The following SCN9A variants were observed in gnomAD, a reference collection of about 807,000 sequenced individuals.
SCN9A encodes sodium channel protein type 9 subunit alpha.
In SCN9A, 131 loss-of-function variants were observed where a neutral mutation model predicts 187.0. The ratio of observed to expected loss-of-function variants is 0.70; its 90% CI spans 0.61 to 0.81. The LOEUF is 0.81. SCN9A is among the 30% of genes least tolerant of loss of function. The probability of loss-of-function intolerance (pLI) is 0.00; values close to 1 mark genes in which losing one functional copy is unlikely to be tolerated. For missense variants in SCN9A, 2,252 were observed against 2,396.6 expected, an observed-to-expected ratio of 0.94 and a Z score of 1.26; for synonymous variants, 809 against 808.6, an observed-to-expected ratio of 1.00 and a Z score of -0.01.
Position 166,306,584 on chromosome 2 carries a change from G to A in SCN9A, c.393C>T (p.Leu131=), listed in dbSNP as rs199756028. The A allele has an allele frequency of 8.5e-5, 134 of 1,575,960 alleles. No individual in the cohort carries two copies. Among genetic ancestry groups the A allele is most frequent in the Middle Eastern group, 5.0e-4 (3 of 6,006 alleles). Residue 131 remains leucine, a synonymous_variant, in exon 4 of 27, where the codon CTC becomes CTT. Coordinates refer to ENST00000642356, the MANE Select transcript of SCN9A (RefSeq NM_001365536.1). Reference sequence around the variant, plus strand: ...AGTTTGTCAGAATAGTGCACATGATGAGCATGCTGAATAAGGTAGCTTAGA... The same window carrying A: ...AGTTTGTCAGAATAGTGCACATGATAAGCATGCTGAATAAGGTAGCTTAGA... ...KILVHSLFSM[L]IMCTILTNCI...
chr2:166,253,291 G>C (rs928162089), intron 17 of SCN9A, among the ~76,000 whole-genome samples: 6 of 151,738 alleles, frequency 4.0e-5, no homozygotes, highest in African/African-American at 1.4e-4. Flanking sequence ...CCTATTAAGA[G>C]AACTCCTCCA....
At chr2:166,370,229 A>ATCATCATCATCATCATCATC (rs1553507725) in intron 1 of SCN9A, among the ~76,000 whole-genome samples, 19 of 136,816 alleles carry the variant, frequency 1.4e-4, no homozygotes, top group African/African-American at 4.2e-4. Context: ...TAATAATAAT[A>ATCATCATCATCATCATCATC]ATAATAATCA....
At position 166,228,789 on chromosome 2, in the gene SCN9A, AT is replaced by A; in HGVS notation, c.4107del (p.Glu1369AspfsTer6). ...TGACTAACATTCATAAGGGCAAAAC[AT>A]TCGGAACGATTTGGAACTTGACTTG... ...FPASQVPNRSECFALMNVSQN... is the reference protein window; with the variant it reads ...FPASQVPNRSXCFALMNVSQN... On this transcript the variant is annotated frameshift_variant, in exon 22 of 27. Transcript: ENST00000642356. LOFTEE classifies it high-confidence loss of function. The A allele has an allele frequency of 6.2e-7, 1 of 1,613,968 alleles. No individual in the cohort carries two copies. Among genetic ancestry groups the A allele is most frequent in the Non-Finnish European group, 8.5e-7 (1 of 1,179,868 alleles).
At chr2:166,261,532 T>C (rs4561679) in intron 17 of SCN9A, among the ~76,000 whole-genome samples, 138,840 of 151,952 alleles carry the variant, frequency 0.91, 63,547 homozygotes, top group African/African-American at 0.97. Context: ...CATGTGAAGA[T>C]TGGCAGAAGG....
At chr2:166,353,553 T>G (rs1277348054) in intron 1 of SCN9A, among the ~76,000 whole-genome samples, 1 of 152,216 alleles carries the variant, frequency 6.6e-6, no homozygotes, top group Non-Finnish European at 1.5e-5. Context: ...AAAGGTCAGC[T>G]AGATAATTTC....
At chr2:166,349,015 C>T (rs978133405) in intron 1 of SCN9A, among the ~76,000 whole-genome samples, 2 of 147,884 alleles carry the variant, frequency 1.4e-5, no homozygotes, top group Admixed American at 6.8e-5. Context: ...ATAATCCCGG[C>T]TCCTCGGAAG....
intron 12 of SCN9A, among the ~76,000 whole-genome samples, chr2:166,284,168 A>G (rs984642427): frequency 6.6e-6 from 1 of 152,174 alleles, no homozygotes; most frequent in African/African-American, 2.4e-5. Flanking sequence ...ATCTATCTAT[A>G]TATGTATCCG....
In SCN9A at chr2:166,199,326, A is replaced by C; in HGVS notation, c.5313T>G (p.Thr1771=). Residue 1771 remains threonine (T), a synonymous_variant, in exon 27 of 27, where the codon ACT becomes ACG. Transcript: ENST00000642356. Reference sequence around the variant, plus strand: ...CAAAGTCATCCTCACTCAGAGGTTCAGTACTTTCTTCAGTGGCAACACTAA... The same window carrying C: ...CAAAGTCATCCTCACTCAGAGGTTCCGTACTTTCTTCAGTGGCAACACTAA... ...ENFSVATEES[T]EPLSEDDFEM... is the part of the protein sequence containing the mutation. The C allele has an allele frequency of 6.2e-7, 1 of 1,614,220 alleles. No homozygotes were observed. The highest frequency in any genetic ancestry group is 8.5e-7 in the Non-Finnish European group (1 of 1,180,036).
chr2:166,285,654 T>A (rs1259010004), intron 11 of SCN9A, among the ~76,000 whole-genome samples: 1 of 152,196 alleles, frequency 6.6e-6, no homozygotes, highest in African/African-American at 2.4e-5. Context: ...TGTAGATTTT[T>A]AACTAGATTT....
intron 22 of SCN9A, among the ~76,000 whole-genome samples, chr2:166,228,478 C>G (rs563739337): frequency 2.0e-5 from 3 of 151,822 alleles, no homozygotes; most frequent in Admixed American, 6.6e-5. Flanking sequence ...AGACTGGTCT[C>G]GAACTCCTGA....
chr2:166,230,655 C>T (rs535719873), intron 21 of SCN9A, among the ~76,000 whole-genome samples: 29 of 152,226 alleles, frequency 1.9e-4, no homozygotes, highest in African/African-American at 5.1e-4. Flanking sequence ...CAGACTTCCC[C>T]GGATAGCCAC....
intron 17 of SCN9A, among the ~76,000 whole-genome samples, chr2:166,256,627 A>T (rs566319553): frequency 6.6e-6 from 1 of 151,508 alleles, no homozygotes; most frequent in Non-Finnish European, 1.5e-5. Context: ...TTTTAAAAAA[A>T]GGGCAAGAAA....
rs778434900 is a variant in SCN9A, at chr2:166,198,642, G to A, written c.*30C>T. On this transcript the variant is annotated 3_prime_UTR_variant, in exon 27 of 27. Transcript: ENST00000642356. ...TTAACACAAATAAATCACTTTCACA[G>A]GCTGTAAACAATATATCAAAAATGA... 1.2e-5 allele frequency: 17 copies of A among 1,460,418 alleles called. No homozygotes were observed. The highest frequency in any genetic ancestry group is 1.6e-5 in the Non-Finnish European group (17 of 1,074,492). The allele number at this position is 1,460,418 out of a possible 1,614,324, so 90.5% of individuals were successfully genotyped here. A position where few individuals can be genotyped will look rare whatever the true frequency, so the allele number is the denominator to read the frequency against.
Position 166,270,942 on chromosome 2 carries a change from GCC to G in SCN9A, c.3351+1455_3351+1456del, listed in dbSNP as rs1558996926. Among the ~76,000 whole-genome samples, 11 of 151,696 alleles carry G rather than the reference GCC, an allele frequency of 7.3e-5. No homozygotes were observed. In the East Asian group the frequency reaches 7.8e-4, roughly 11 times the overall value. On this transcript the variant is annotated intron_variant, in intron 17 of 26. Coordinates refer to ENST00000642356, the MANE Select transcript of SCN9A (RefSeq NM_001365536.1). ...AAACAAAAGATTATTTTTAAATGAT[GCC>G]TTAAGACTTGAAAGCAATCTCATAA...
At chr2:166,216,889 C>T (rs915239678) in intron 24 of SCN9A, among the ~76,000 whole-genome samples, 1 of 151,936 alleles carries the variant, frequency 6.6e-6, no homozygotes, top group African/African-American at 2.4e-5. Context: ...AAAATCCTAA[C>T]ATTTGAATAA....
chr2:166,259,752 G>A (rs942333200), intron 17 of SCN9A, among the ~76,000 whole-genome samples: 8 of 151,592 alleles, frequency 5.3e-5, no homozygotes, highest in African/African-American at 7.3e-5. Flanking sequence ...GCAAAAAAGT[G>A]AAGTTTCCAA....
chr2:166,260,334 GAAC>G lies in SCN9A; in HGVS notation c.3352-8452_3352-8450del, dbSNP rs150738612. Among the ~76,000 whole-genome samples, 860 of 151,882 alleles carry G rather than the reference GAAC, an allele frequency of 5.7e-3. 11 individuals are homozygous for G. The highest frequency in any genetic ancestry group is 0.02 in the African/African-American group (820 of 41,474). On this transcript the variant is annotated intron_variant, in intron 17 of 26. Coordinates refer to ENST00000642356, the MANE Select transcript of SCN9A (RefSeq NM_001365536.1). ...AGATGAATGAATGAGTGAATCAGGTGAACAATATGAATGCTTGTTCCTCTGCCT... is the reference window on the plus strand; with the variant it reads ...AGATGAATGAATGAGTGAATCAGGTGAATATGAATGCTTGTTCCTCTGCCT...
intron 1 of SCN9A, among the ~76,000 whole-genome samples, chr2:166,369,630 A>G (rs983634441): frequency 1.3e-4 from 20 of 152,210 alleles, no homozygotes; most frequent in African/African-American, 4.8e-4. Context: ...TGTTCCATGC[A>G]AAGATCATTT....
At chr2:166,317,946 T>C (rs1304891536) in intron 1 of SCN9A, among the ~76,000 whole-genome samples, 1 of 152,208 alleles carries the variant, frequency 6.6e-6, no homozygotes, top group African/African-American at 2.4e-5. Flanking sequence ...CTGAGAATGT[T>C]AGAATTTCTT....
Sources: allele counts gnomAD v4.1 joint callset (sites outside exome capture counted in the v4.1 genomes callset), GRCh38; gene constraint gnomAD v4.1.1; transcripts MANE v1.5; gene names NCBI Gene and HGNC (gene_info 2026-07-23, HGNC 2026-07-21).